The following PAIP1 variants were observed in gnomAD, a reference collection of about 807,000 sequenced individuals.
PAIP1 encodes the protein poly(A) binding protein interacting protein 1.
In PAIP1, 16 loss-of-function variants were observed where a neutral mutation model predicts 61.3. That is an observed-to-expected ratio of 0.26 (90% CI 0.18 to 0.40). The LOEUF is 0.40. PAIP1 is among the 10% of genes least tolerant of loss of function. PAIP1 has a pLI of 1.00. For synonymous variants in PAIP1, 187 were observed against 226.2 expected, an observed-to-expected ratio of 0.83 and a Z score of 1.56; for missense variants, 416 against 600.9, an observed-to-expected ratio of 0.69 and a Z score of 3.22.
Position 43,556,787 on chromosome 5 carries a change from G to A in PAIP1, c.60C>T (p.Gly20=). The stretch of plus-strand genomic sequence containing the variant: ...CGCCCTCAGGCCCGCCCCCTCCGCG[G>A]CCCAGGCCCCGGCTCCGGCCCCGAC... ...GAGRGRSRGL[G]RGGGGPEGGG... Residue 20 remains glycine, a synonymous_variant, in exon 1 of 11, where the codon GGC becomes GGT. Coordinates refer to ENST00000306846, the MANE Select transcript of PAIP1 (RefSeq NM_006451.5). 6.9e-7 allele frequency: 1 copy of A among 1,449,610 alleles called. No individual in the cohort carries two copies. 89.8% of individuals were successfully genotyped at this position (1,449,610 alleles called of 1,614,324 possible). A position where few individuals can be genotyped will look rare whatever the true frequency, so the allele number is the denominator to read the frequency against.
chr5:43,528,710 T>G (rs1022651036), intron 10 of PAIP1, among the ~76,000 whole-genome samples: 1 of 151,412 alleles, frequency 6.6e-6, no homozygotes, highest in Non-Finnish European at 1.5e-5. Flanking sequence ...GTGGTTCACT[T>G]TTTTAAAAAA....
At chr5:43,544,448 T>C (rs1303637736) in intron 3 of PAIP1, among the ~76,000 whole-genome samples, 1 of 152,196 alleles carries the variant, frequency 6.6e-6, no homozygotes, top group Non-Finnish European at 1.5e-5. Context: ...TTTAGTGTTA[T>C]AACACGATTT....
intron 2 of PAIP1, among the ~76,000 whole-genome samples, chr5:43,554,126 G>T (rs1189512294): frequency 6.6e-6 from 1 of 152,060 alleles, no homozygotes; most frequent in Non-Finnish European, 1.5e-5. Flanking sequence ...CAAAGTAGGT[G>T]GACTAACATG....
At chr5:43,550,958 A>G (rs890708757) in intron 2 of PAIP1, among the ~76,000 whole-genome samples, 1 of 151,710 alleles carries the variant, frequency 6.6e-6, no homozygotes, top group African/African-American at 2.4e-5. Flanking sequence ...TTCTCTTTCT[A>G]TGGGCACAAG....
chr5:43,547,977 A>AT lies in PAIP1; in HGVS notation c.436-65dup, dbSNP rs1467664139. ...AACTGGCTAAAACACACAAGGTGGT[A>AT]TGTCTCTAGCACAAATGCTTTTTTA... On this transcript the variant is annotated intron_variant, in intron 2 of 10. Coordinates refer to ENST00000306846, the MANE Select transcript of PAIP1 (RefSeq NM_006451.5). 14 of 1,009,040 alleles carry AT rather than the reference A, an allele frequency of 1.4e-5. No individual in the cohort carries two copies. The African/African-American group carries it at 2.1e-4, about 15-fold the overall frequency. The allele number at this position is 1,009,040 out of a possible 1,614,324, so 62.5% of individuals were successfully genotyped here. A position where few individuals can be genotyped will look rare whatever the true frequency, so the allele number is the denominator to read the frequency against.
At chr5:43,529,076 T>G (rs1746827640) in intron 10 of PAIP1, among the ~76,000 whole-genome samples, 1 of 151,480 alleles carries the variant, frequency 6.6e-6, no homozygotes, top group South Asian at 2.1e-4. Context: ...GATTTGAGCC[T>G]TCTACTGTGT....
At chr5:43,543,252 C>G in intron 3 of PAIP1, 136 bp from the exon 4 acceptor site, 1 of 314,830 alleles carries the variant, frequency 3.2e-6, no homozygotes, top group Non-Finnish European at 6.0e-6. Context: ...CATTGTTAGG[C>G]TTAAGGAAAT....
In PAIP1 at chr5:43,535,625, A is replaced by T; in HGVS notation, c.988T>A (p.Leu330Met). Residue 330 changes from leucine to methionine, a missense_variant, in exon 7 of 11, where the codon TTG becomes ATG. Coordinates refer to ENST00000306846, the MANE Select transcript of PAIP1 (RefSeq NM_006451.5). ...CCTTTTTCCTTCCAAGCATCTTCCA[A>T]AACTGATCCTGTCAACTAAAAAAGC... ...VKLLKLTGSV[L>M]EDAWKEKGKM... The T allele has an allele frequency of 6.3e-7, 1 of 1,584,618 alleles. No homozygotes were observed. The highest frequency in any genetic ancestry group is 2.2e-5 in the East Asian group (1 of 44,562).
chr5:43,533,489 T>C (rs1327647259), intron 9 of PAIP1, among the ~76,000 whole-genome samples: 4 of 152,350 alleles, frequency 2.6e-5, no homozygotes, highest in East Asian at 3.9e-4. Flanking sequence ...TTGCATTTAA[T>C]TGAGAATTCT....
chr5:43,528,374 C>T (rs1746790287), intron 10 of PAIP1, among the ~76,000 whole-genome samples: 1 of 152,118 alleles, frequency 6.6e-6, no homozygotes. Context: ...ACAATCTTGC[C>T]AACCCTACCA....
At chr5:43,551,657 C>T (rs760237096) in intron 2 of PAIP1, among the ~76,000 whole-genome samples, 2 of 151,840 alleles carry the variant, frequency 1.3e-5, no homozygotes, top group Non-Finnish European at 2.9e-5. Context: ...GGCAAAGGTA[C>T]GGGTCCCAGC....
rs747794800 is a variant in PAIP1 at position 43,539,085 on chromosome 5, T to C, written c.735-50A>G. ...ATCTCACATTGCTTTGCTTTTTAAA[T>C]AGTCAAACAAAATAACCATTTGTCA... On this transcript the variant is annotated intron_variant, in intron 4 of 10. Coordinates refer to ENST00000306846, the MANE Select transcript of PAIP1 (RefSeq NM_006451.5). The C allele has an allele frequency of 4.2e-6, 5 of 1,192,358 alleles. No individual in the cohort carries two copies. The Admixed American group carries it at 8.5e-5, about 20-fold the overall frequency. 73.9% of individuals were successfully genotyped at this position (1,192,358 alleles called of 1,614,324 possible).
At chr5:43,538,846 T>C in intron 5 of PAIP1, 78 bp downstream of exon 5, 3 of 771,440 alleles carry the variant, frequency 3.9e-6, no homozygotes, top group South Asian at 1.5e-5. Flanking sequence ...AAAAGTACAA[T>C]GTGAACACAA....
intron 2 of PAIP1, among the ~76,000 whole-genome samples, chr5:43,549,225 C>A (rs1408874586): frequency 6.6e-6 from 1 of 152,196 alleles, no homozygotes; most frequent in Non-Finnish European, 1.5e-5. Flanking sequence ...CAGGCCACTG[C>A]GCCTGGCCCA....
In PAIP1 at chr5:43,529,786, G is replaced by A. The variant is rs775521136; in HGVS notation, c.1346C>T (p.Pro449Leu). Residue 449 changes from proline to leucine, a missense_variant and splice_region_variant, in exon 10 of 11, where the codon CCA becomes CTA. Physicochemically the swap from Pro to Leu is moderately conservative, Grantham distance 98 (BLOSUM62 -3). This residue lies in a region of PAIP1 where 135 missense variants were observed against 283.9 expected (regional missense o/e 0.48). Coordinates refer to ENST00000306846, the MANE Select transcript of PAIP1 (RefSeq NM_006451.5). ...AAGTTAGTAACTGAAGAAAACTTAC[G>A]GATCACCAGCCCCGGATAAATCTGT... ...NGTDLSGAGD[P>L]YLDDIDDEMD... 9 of 1,508,214 alleles carry A rather than the reference G, an allele frequency of 6.0e-6. No homozygotes were observed. The East Asian group carries it at 9.0e-5, about 15-fold the overall frequency. The allele number at this position is 1,508,214 out of a possible 1,614,324, so 93.4% of individuals were successfully genotyped here.
chr5:43,544,856 G>C (rs1236034207), intron 3 of PAIP1, among the ~76,000 whole-genome samples: 1 of 152,102 alleles, frequency 6.6e-6, no homozygotes, highest in African/African-American at 2.4e-5. Flanking sequence ...TACTGGATAT[G>C]CTAAATCTGA....
intron 9 of PAIP1, among the ~76,000 whole-genome samples, chr5:43,530,571 G>C (rs1746893954): frequency 6.6e-6 from 1 of 152,158 alleles, no homozygotes; most frequent in South Asian, 2.1e-4. Context: ...AATTATATTA[G>C]ACTGGGTAAA....
chr5:43,549,438 A>G (rs1214832469), intron 2 of PAIP1, among the ~76,000 whole-genome samples: 1 of 152,064 alleles, frequency 6.6e-6, no homozygotes, highest in Non-Finnish European at 1.5e-5. Context: ...TTCTTGTCAT[A>G]GTGAATACGT....
Position 43,551,760 on chromosome 5 carries a change from TTTA to T in PAIP1, c.436-3850_436-3848del, listed in dbSNP as rs1235736299. Among the ~76,000 whole-genome samples, 743 of 151,802 alleles carry T rather than the reference TTTA, an allele frequency of 4.9e-3. 2 individuals are homozygous for T. Among genetic ancestry groups the T allele is most frequent in the Admixed American group, 8.1e-3 (123 of 15,266 alleles). ...GATTTGCAATCTTTTTTTTTTTTTT[TTTA>T]AAGTCAACAGAACTCTCTTTTAAGA... On this transcript the variant is annotated intron_variant, in intron 2 of 10. Coordinates refer to ENST00000306846, the MANE Select transcript of PAIP1 (RefSeq NM_006451.5).
Sources: allele counts gnomAD v4.1 joint callset (sites outside exome capture counted in the v4.1 genomes callset), GRCh38; gene constraint gnomAD v4.1.1; regional missense constraint gnomAD v4.1.1; transcripts MANE v1.5; gene names NCBI Gene and HGNC (gene_info 2026-07-23, HGNC 2026-07-21).